TCTN1: variants seen among roughly 807,000 people sequenced by gnomAD.
The protein encoded by TCTN1 is tectonic-1.
In TCTN1, 58 loss-of-function variants were observed where a neutral mutation model predicts 65.8. The observed-to-expected ratio is 0.88, with a 90% CI of 0.71 to 1.10. The LOEUF (loss-of-function observed/expected upper bound fraction) is 1.10. TCTN1 is among the 50% of genes least tolerant of loss of function. The probability of loss-of-function intolerance (pLI) is 0.00; values close to 1 mark genes in which losing one functional copy is unlikely to be tolerated. For synonymous variants in TCTN1, 273 were observed against 289.1 expected (o/e 0.94, Z 0.57); for missense variants, 645 against 719.4 (o/e 0.90, Z 1.18).
intron 2 of TCTN1, among the ~76,000 whole-genome samples, chr12:110,624,843 A>G (rs2065721969): frequency 1.3e-5 from 2 of 152,092 alleles, no homozygotes; most frequent in African/African-American, 4.8e-5. Context: ...CGGCCTCCCA[A>G]AGTGCTGGGA....
intron 1 of TCTN1, 60 bp downstream of exon 1, chr12:110,614,462 C>T (rs1380714846): frequency 6.4e-7 from 1 of 1,553,586 alleles, no homozygotes; most frequent in Non-Finnish European, 8.7e-7. Context: ...GGGACAGCCC[C>T]GGTGAGGACG....
chr12:110,618,122 G>C (rs2065174034), intron 1 of TCTN1, among the ~76,000 whole-genome samples: 1 of 149,496 alleles, frequency 6.7e-6, no homozygotes, highest in South Asian at 2.1e-4. Context: ...ATCCAGGCTG[G>C]AGTGCAGTGG....
At chr12:110,636,455 AT>A (rs746383550) in intron 6 of TCTN1, 25 bp from the exon 7 acceptor site, 1 of 1,363,672 alleles carries the variant, frequency 7.3e-7, no homozygotes, top group South Asian at 1.2e-5. Flanking sequence ...ACTTAACACA[AT>A]TTTTTGTGGT....
rs2065844380 is a variant in TCTN1 at position 110,626,401 on chromosome 12, T to C, written c.381T>C (p.Tyr127=). Reference sequence around the variant, plus strand: ...TTTGTAGTCAAAAAGCAGTCATCTATTCATTGAATTTTACAGCAAACCCAC... The same window carrying C: ...TTTGTAGTCAAAAAGCAGTCATCTACTCATTGAATTTTACAGCAAACCCAC... The part of the protein sequence containing the change: ...SQFCSQKAVI[Y]SLNFTANPPQ... Residue 127 remains tyrosine (Y), a synonymous_variant, in exon 3 of 15, where the codon TAT becomes TAC. Coordinates refer to ENST00000397659, the MANE Select transcript of TCTN1 (RefSeq NM_001082538.3). The C allele has an allele frequency of 6.2e-7, 1 of 1,602,954 alleles. No individual in the cohort carries two copies. Among genetic ancestry groups the C allele is most frequent in the South Asian group, 1.1e-5 (1 of 90,114 alleles).
intron 2 of TCTN1, chr12:110,625,754 C>T (rs1341795680): frequency 4.5e-5 from 6 of 132,624 alleles, no homozygotes; most frequent in African/African-American, 1.5e-4. Context: ...AAAAAGGATT[C>T]AATTTTTTTT....
Position 110,640,320 on chromosome 12 carries a change from G to C in TCTN1, c.844-63G>C. 6.2e-7 allele frequency: 1 copy of C among 1,609,694 alleles called. No homozygotes were observed. Among genetic ancestry groups the C allele is most frequent in the Non-Finnish European group, 8.5e-7 (1 of 1,176,708 alleles). On this transcript the variant is annotated intron_variant, in intron 7 of 14. Coordinates refer to ENST00000397659, the MANE Select transcript of TCTN1 (RefSeq NM_001082538.3). The surrounding 1 kb of genome is among the most constrained non-coding windows in gnomAD (Gnocchi z 4.9). ...AGGGGAGGTTTCTTTCCAGTTGGTT[G>C]GTTATTTTAGCCCATCCTCCCTGGG...
intron 2 of TCTN1, among the ~76,000 whole-genome samples, chr12:110,622,133 A>AT (rs1460412890): frequency 8.6e-5 from 13 of 151,344 alleles, no homozygotes; most frequent in African/African-American, 3.2e-4. Context: ...GCGAAACTCC[A>AT]TAAAAAAAAA....
At chr12:110,629,245 T>C (rs1386083187) in intron 4 of TCTN1, 1 of 444,258 alleles carries the variant, frequency 2.3e-6, no homozygotes, top group African/African-American at 2.0e-5. Context: ...AATTGACAAA[T>C]GGGATCTAAT....
intron 3 of TCTN1, chr12:110,628,059 T>C: frequency 6.5e-7 from 1 of 1,535,918 alleles, no homozygotes; most frequent in Non-Finnish European, 8.7e-7. Flanking sequence ...CAGCACATTT[T>C]ACTCCAGGAC....
chr12:110,627,764 A>G, intron 3 of TCTN1: 1 of 460,114 alleles, frequency 2.2e-6, no homozygotes, highest in Non-Finnish European at 3.8e-6. Flanking sequence ...TTTTTATCTG[A>G]GCATTTAGCT....
At chr12:110,621,025 G>A (rs1424874246) in intron 2 of TCTN1, among the ~76,000 whole-genome samples, 3 of 152,070 alleles carry the variant, frequency 2.0e-5, no homozygotes, top group African/African-American at 7.2e-5. Context: ...GGCTGCTCTC[G>A]AACTCCTGAC....
chr12:110,619,708 CA>C, intron 1 of TCTN1, 127 bp from the exon 2 acceptor site: 3 of 1,465,064 alleles, frequency 2.0e-6, no homozygotes, highest in Non-Finnish European at 1.9e-6. Context: ...AAATTTCCCC[CA>C]AAGTGCAATA....
At chr12:110,628,154 C>A (rs538118204) in intron 3 of TCTN1, 2 of 1,536,054 alleles carry the variant, frequency 1.3e-6, no homozygotes, top group African/African-American at 2.7e-5. Flanking sequence ...CAGGTTGATA[C>A]AGCAAACTCA....
At chr12:110,630,776 C>CA (rs2066180282) in intron 4 of TCTN1, among the ~76,000 whole-genome samples, 1 of 152,204 alleles carries the variant, frequency 6.6e-6, no homozygotes, top group Non-Finnish European at 1.5e-5. Flanking sequence ...AAATCATGTG[C>CA]ATCTTCCCAT....
intron 11 of TCTN1, 84 bp downstream of exon 11, chr12:110,642,473 C>G (rs2067021774): frequency 2.5e-6 from 4 of 1,591,416 alleles, no homozygotes; most frequent in Non-Finnish European, 3.4e-6. Flanking sequence ...AATCAAATCT[C>G]TGCATCAGCT....
At position 110,645,104 on chromosome 12, in the gene TCTN1, T is replaced by G. The variant is rs1440232461; in HGVS notation, c.1469T>G (p.Phe490Cys). 6.2e-7 allele frequency: 1 copy of G among 1,614,136 alleles called. No homozygotes were observed. Among genetic ancestry groups the G allele is most frequent in the Admixed American group, 1.7e-5 (1 of 60,026 alleles). Residue 490 changes from phenylalanine to cysteine, a missense_variant, in exon 12 of 15, where the codon TTC becomes TGC. Transcript: ENST00000397659. The part of the protein sequence containing the change: ...QDMLDWVPIH[F>C]ITQSFNRKHF... ...ATGCTGGACTGGGTGCCCATCCACTTCATCACCCAGTCATTCAACAGGAAG... is the reference window on the plus strand; with the variant it reads ...ATGCTGGACTGGGTGCCCATCCACTGCATCACCCAGTCATTCAACAGGAAG...
intron 5 of TCTN1, among the ~76,000 whole-genome samples, chr12:110,633,740 A>G (rs1262836543): frequency 6.6e-6 from 1 of 152,184 alleles, no homozygotes; most frequent in Non-Finnish European, 1.5e-5. Flanking sequence ...CAGATTGGCA[A>G]AACTCAAAAA....
At chr12:110,636,214 T>C in intron 6 of TCTN1, 1 of 432,244 alleles carries the variant, frequency 2.3e-6, no homozygotes, top group South Asian at 2.2e-5. Context: ...ATAATGACCC[T>C]GGAGCATGGA....
In TCTN1 at chr12:110,644,716, C is replaced by T. The variant is rs930506676; in HGVS notation, c.1332-251C>T. The T allele has an allele frequency of 1.7e-5, 9 of 527,494 alleles. No homozygotes were observed. The highest frequency in any genetic ancestry group is 3.2e-5 in the Admixed American group (1 of 30,858). 32.7% of individuals were successfully genotyped at this position (527,494 alleles called of 1,614,324 possible). A position where few individuals can be genotyped will look rare whatever the true frequency, so the allele number is the denominator to read the frequency against. On this transcript the variant is annotated intron_variant, in intron 11 of 14. Transcript: ENST00000397659. The surrounding 1 kb of genome is among the most constrained non-coding windows in gnomAD (Gnocchi z 4.6). ...AAACCAAAAATCAAAACTTAAAAAACAAAAAACTGCTGGTGGGCTGGGTGT... is the reference window on the plus strand; with the variant it reads ...AAACCAAAAATCAAAACTTAAAAAATAAAAAACTGCTGGTGGGCTGGGTGT...
Sources: gnomAD v4.1 joint callset for allele counts (sites outside exome capture counted in the v4.1 genomes callset) on GRCh38, gnomAD v4.1.1 for gene constraint, Gnocchi (gnomAD v3.1) non-coding constraint, MANE v1.5 for transcripts, NCBI Gene and HGNC (gene_info 2026-07-23, HGNC 2026-07-21) for gene names.